Variants in SPAG16 observed in about 807,000 individuals in gnomAD.
SPAG16 encodes the protein sperm associated antigen 16, also known as sperm-associated antigen 16 protein.
Under a neutral mutation model 80.4 loss-of-function variants are expected in SPAG16, and 86 were observed. The observed-to-expected ratio is 1.07, with a 90% CI of 0.90 to 1.28. The LOEUF is 1.28. SPAG16 is among the 50% of genes most tolerant of loss of function. The probability of loss-of-function intolerance (pLI) is 0.00; values close to 1 mark genes in which losing one functional copy is unlikely to be tolerated. For missense variants in SPAG16, 870 were observed against 765.3 expected, an observed-to-expected ratio of 1.14 and a Z score of -1.61; for synonymous variants, 294 against 265.9, an observed-to-expected ratio of 1.11 and a Z score of -1.03.
At chr2:213,802,860 T>C (rs925376981) in intron 10 of SPAG16, among the ~76,000 whole-genome samples, 11 of 152,004 alleles carry the variant, frequency 7.2e-5, no homozygotes, top group African/African-American at 2.2e-4. Context: ...AAAAAAAAAG[T>C]AGACTAAAAT....
At chr2:213,765,692 GCTT>G (rs1228623223) in intron 10 of SPAG16, among the ~76,000 whole-genome samples, 1 of 151,868 alleles carries the variant, frequency 6.6e-6, no homozygotes, top group Non-Finnish European at 1.5e-5. Context: ...TTAAAAATAT[GCTT>G]CTTTTAAAAT....
intron 10 of SPAG16, among the ~76,000 whole-genome samples, chr2:213,673,630 T>C (rs2063910520): frequency 6.6e-6 from 1 of 152,208 alleles, no homozygotes; most frequent in African/African-American, 2.4e-5. Context: ...TTCATACAAA[T>C]ATGTACACAC....
chr2:213,909,394 G>A lies in SPAG16; in HGVS notation c.1215-20566G>A, dbSNP rs2077564542. Among the ~76,000 whole-genome samples the A allele has an allele frequency of 1.3e-5, 2 of 152,038 alleles. 1 individual carries two copies. The highest frequency in any genetic ancestry group is 3.9e-4 in the East Asian group (2 of 5,178). ...AAAACTACTTTAAAGTTCATATGGA[G>A]CCAAAAAAGAGCCCGCATCGCCAAG... On this transcript the variant is annotated intron_variant, in intron 11 of 15. Coordinates refer to ENST00000331683, the MANE Select transcript of SPAG16 (RefSeq NM_024532.5).
chr2:213,616,648 T>G (rs1290527614), intron 10 of SPAG16, among the ~76,000 whole-genome samples: 1 of 152,212 alleles, frequency 6.6e-6, no homozygotes, highest in Non-Finnish European at 1.5e-5. Flanking sequence ...TGGCCCAAAC[T>G]ACTGAATCTC....
chr2:214,359,155 C>T (rs1699011263), intron 15 of SPAG16, among the ~76,000 whole-genome samples: 1 of 151,796 alleles, frequency 6.6e-6, no homozygotes, highest in Admixed American at 6.6e-5. Flanking sequence ...TCAGGCACTG[C>T]TCTAAGTATT....
intron 15 of SPAG16, among the ~76,000 whole-genome samples, chr2:214,400,140 C>G (rs895337362): frequency 6.6e-6 from 1 of 152,040 alleles, no homozygotes; most frequent in East Asian, 1.9e-4. Context: ...CATTCATGCT[C>G]TCCTAATAGG....
intron 15 of SPAG16, among the ~76,000 whole-genome samples, chr2:214,373,466 G>T (rs1395924369): frequency 2.6e-5 from 4 of 152,092 alleles, no homozygotes; most frequent in Admixed American, 2.6e-4. Context: ...GGGATCAAAG[G>T]TAATAAATTA....
intron 10 of SPAG16, among the ~76,000 whole-genome samples, chr2:213,832,797 T>C (rs1363583858): frequency 6.6e-6 from 1 of 152,154 alleles, no homozygotes; most frequent in African/African-American, 2.4e-5. Context: ...TGGATCTTCA[T>C]TTCTGAAGGC....
At chr2:214,289,882 G>A (rs1466015963) in intron 15 of SPAG16, among the ~76,000 whole-genome samples, 2 of 152,084 alleles carry the variant, frequency 1.3e-5, no homozygotes, top group African/African-American at 4.8e-5. Context: ...TGTAGTTTTA[G>A]TTTGTTGTTG....
At chr2:213,984,137 CAT>C (rs2045895744) in intron 12 of SPAG16, among the ~76,000 whole-genome samples, 1 of 152,044 alleles carries the variant, frequency 6.6e-6, no homozygotes, top group African/African-American at 2.4e-5. Context: ...TGAAATAATG[CAT>C]ATGTTATTAT....
chr2:213,936,278 T>G (rs1355669437), intron 12 of SPAG16, among the ~76,000 whole-genome samples: 1 of 152,158 alleles, frequency 6.6e-6, no homozygotes, highest in Non-Finnish European at 1.5e-5. Context: ...GGTAAGGTAG[T>G]TAAATGAGTA....
chr2:213,440,968 A>G (rs1182968783), intron 9 of SPAG16, among the ~76,000 whole-genome samples: 1 of 152,234 alleles, frequency 6.6e-6, no homozygotes, highest in Non-Finnish European at 1.5e-5. Context: ...AAGCCCCAGC[A>G]TAGGAGAAGC....
chr2:213,725,942 AC>A (rs1403332051), intron 10 of SPAG16, among the ~76,000 whole-genome samples: 2 of 152,032 alleles, frequency 1.3e-5, no homozygotes, highest in Non-Finnish European at 2.9e-5. Flanking sequence ...AAAGTGGGGG[AC>A]CCTACAATCT....
At chr2:213,772,990 T>C (rs149601250) in intron 10 of SPAG16, among the ~76,000 whole-genome samples, 2,753 of 151,140 alleles carry the variant, frequency 0.018, 47 homozygotes, top group South Asian at 0.035. Context: ...TTACTTATTC[T>C]TTTTTTTTCA....
intron 6 of SPAG16, among the ~76,000 whole-genome samples, chr2:213,348,697 A>T (rs2065149220): frequency 1.3e-5 from 2 of 152,176 alleles, no homozygotes; most frequent in Admixed American, 1.3e-4. Context: ...AGAATGTTGA[A>T]TATTGGCCCC....
intron 11 of SPAG16, among the ~76,000 whole-genome samples, chr2:213,872,164 T>TTC (rs1329627415): frequency 6.6e-6 from 1 of 152,128 alleles, no homozygotes; most frequent in Non-Finnish European, 1.5e-5. Flanking sequence ...CAAAGTTCCC[T>TTC]TAAGTGTGGA....
At position 214,216,110 on chromosome 2, in the gene SPAG16, G is replaced by A. The variant is rs59458890; in HGVS notation, c.1720+66844G>A. Among the ~76,000 whole-genome samples, 1,308 of 152,260 alleles carry A rather than the reference G, an allele frequency of 8.6e-3. 16 individuals carry two copies. Among genetic ancestry groups the A allele is most frequent in the African/African-American group, 0.03 (1,227 of 41,548 alleles). Reference sequence around the variant, plus strand: ...AGCCAAGTTTTATTTTAAATTGGTAGAATAATGACAGAAGGTTGGAGAAAG... The same window carrying A: ...AGCCAAGTTTTATTTTAAATTGGTAAAATAATGACAGAAGGTTGGAGAAAG... On this transcript the variant is annotated intron_variant, in intron 15 of 15. Coordinates refer to ENST00000331683, the MANE Select transcript of SPAG16 (RefSeq NM_024532.5).
intron 15 of SPAG16, among the ~76,000 whole-genome samples, chr2:214,381,170 C>T (rs1052296790): frequency 1.3e-5 from 2 of 152,192 alleles, no homozygotes; most frequent in South Asian, 2.1e-4. Flanking sequence ...AGGGCTTGTA[C>T]AGAGAACAGT....
chr2:213,636,811 T>C (rs1400891022), intron 10 of SPAG16, among the ~76,000 whole-genome samples: 1 of 152,248 alleles, frequency 6.6e-6, no homozygotes, highest in African/African-American at 2.4e-5. Context: ...TTTTATATCT[T>C]AAAACTTTAC....
Sources: gnomAD v4.1 joint callset for allele counts (sites outside exome capture counted in the v4.1 genomes callset) on GRCh38, gnomAD v4.1.1 for gene constraint, MANE v1.5 for transcripts, NCBI Gene and HGNC (gene_info 2026-07-23, HGNC 2026-07-21) for gene names.